The following SLIT2 variants were observed in gnomAD, a reference collection of about 807,000 sequenced individuals.
SLIT2 encodes the protein slit homolog 2 protein.
SLIT2 carries 41 observed loss-of-function variants against 185.7 expected under a neutral mutation model. The ratio of observed to expected loss-of-function variants is 0.22; its 90% CI spans 0.17 to 0.29. The LOEUF is 0.29. Ranked by LOEUF, SLIT2 falls within the 10% of genes least tolerant of loss-of-function variation. The pLI, the probability that SLIT2 is intolerant of heterozygous loss-of-function variation, is 1.00. For missense variants in SLIT2, 1,571 were observed against 1,909.0 expected, an observed-to-expected ratio of 0.82 and a Z score of 3.30; for synonymous variants, 693 against 680.2, an observed-to-expected ratio of 1.02 and a Z score of -0.29.
chr4:20,438,093 T>G (rs569087342), intron 4 of SLIT2, among the ~76,000 whole-genome samples: 1 of 152,222 alleles, frequency 6.6e-6, no homozygotes, highest in African/African-American at 2.4e-5. Context: ...CTCACCCCGT[T>G]TCTGGAATAC....
chr4:20,388,316 A>G (rs919155586), intron 4 of SLIT2, among the ~76,000 whole-genome samples: 6 of 152,330 alleles, frequency 3.9e-5, no homozygotes, highest in Middle Eastern at 3.4e-3. Flanking sequence ...AAAGACTTGT[A>G]TCCAGAATAT....
chr4:20,536,274 G>A (rs551696641), intron 18 of SLIT2, among the ~76,000 whole-genome samples: 4 of 152,034 alleles, frequency 2.6e-5, no homozygotes, highest in Non-Finnish European at 5.9e-5. Flanking sequence ...CACTGTACAC[G>A]GCCTGGCACG....
At chr4:20,273,271 A>G (rs2109038260) in intron 4 of SLIT2, among the ~76,000 whole-genome samples, 1 of 152,186 alleles carries the variant, frequency 6.6e-6, no homozygotes, top group East Asian at 1.9e-4. Flanking sequence ...AAAATAGAAA[A>G]TAGGAAGTAA....
At chr4:20,381,136 G>C (rs534709562) in intron 4 of SLIT2, among the ~76,000 whole-genome samples, 1 of 151,892 alleles carries the variant, frequency 6.6e-6, no homozygotes, top group African/African-American at 2.4e-5. Flanking sequence ...GCCTGTAATC[G>C]TAGCTACTCG....
chr4:20,473,136 A>G (rs1232179380), intron 5 of SLIT2, among the ~76,000 whole-genome samples: 2 of 141,330 alleles, frequency 1.4e-5, no homozygotes, highest in Non-Finnish European at 3.1e-5. Context: ...TTAATTTTGC[A>G]ATACATCCAC....
intron 22 of SLIT2, 135 bp downstream of exon 22, chr4:20,546,234 C>A: frequency 5.8e-6 from 3 of 513,424 alleles, no homozygotes; most frequent in Non-Finnish European, 1.0e-5. Context: ...TTGCTCATTG[C>A]GGTTCTGGAC....
chr4:20,564,909 G>A (rs1025293381), intron 26 of SLIT2, among the ~76,000 whole-genome samples: 10 of 151,800 alleles, frequency 6.6e-5, no homozygotes, highest in African/African-American at 2.4e-4. Flanking sequence ...GGAATAAAAT[G>A]CAAAGAAATT....
At chr4:20,400,911 T>C (rs577719026) in intron 4 of SLIT2, among the ~76,000 whole-genome samples, 4 of 151,878 alleles carry the variant, frequency 2.6e-5, no homozygotes, top group Non-Finnish European at 5.9e-5. Context: ...CCATAAATTT[T>C]ATACAGATAT....
chr4:20,512,128 T>G (rs1719811809), intron 11 of SLIT2, among the ~76,000 whole-genome samples: 1 of 152,210 alleles, frequency 6.6e-6, no homozygotes, highest in Non-Finnish European at 1.5e-5. Flanking sequence ...CGGCACATTT[T>G]TATTTTTTAA....
At chr4:20,525,894 G>A (rs568186227) in intron 15 of SLIT2, among the ~76,000 whole-genome samples, 10 of 152,164 alleles carry the variant, frequency 6.6e-5, no homozygotes, top group Middle Eastern at 3.4e-3. Flanking sequence ...AAAAGTAATC[G>A]CAATGTTTTA....
intron 5 of SLIT2, among the ~76,000 whole-genome samples, chr4:20,472,608 ATC>A (rs1577728070): frequency 3.4e-5 from 4 of 116,598 alleles, no homozygotes; most frequent in East Asian, 5.1e-4. Flanking sequence ...CTATAGATAT[ATC>A]TATATATATC....
intron 9 of SLIT2, among the ~76,000 whole-genome samples, chr4:20,496,021 T>C (rs547903845): frequency 6.6e-6 from 1 of 152,294 alleles, no homozygotes; most frequent in East Asian, 1.9e-4. Flanking sequence ...AATTTTACCA[T>C]AAATTGTTGG....
At chr4:20,415,535 T>C (rs1248379496) in intron 4 of SLIT2, among the ~76,000 whole-genome samples, 1 of 152,040 alleles carries the variant, frequency 6.6e-6, no homozygotes, top group African/African-American at 2.4e-5. Flanking sequence ...ATAATTTTGA[T>C]CACTTAACTA....
At chr4:20,325,338 A>G (rs1182430507) in intron 4 of SLIT2, among the ~76,000 whole-genome samples, 1 of 136,644 alleles carries the variant, frequency 7.3e-6, no homozygotes, top group Non-Finnish European at 1.5e-5. Context: ...ACTCTGAGCC[A>G]CTCACCTGTG....
chr4:20,388,822 T>TAAA (rs1725151977), intron 4 of SLIT2, among the ~76,000 whole-genome samples: 1 of 144,536 alleles, frequency 6.9e-6, no homozygotes, highest in Non-Finnish European at 1.5e-5. Flanking sequence ...ATGTAAAATA[T>TAAA]ATATAATATA....
intron 29 of SLIT2, among the ~76,000 whole-genome samples, chr4:20,582,050 G>A (rs1726624960): frequency 6.6e-6 from 1 of 152,102 alleles, no homozygotes. Flanking sequence ...CCCAGCCAGA[G>A]TGCTCTTTTC....
intron 4 of SLIT2, among the ~76,000 whole-genome samples, chr4:20,436,949 A>G (rs181431241): frequency 8.0e-4 from 122 of 152,352 alleles, no homozygotes; most frequent in African/African-American, 2.9e-3. Context: ...TGGAAAATGC[A>G]AACTATTCAA....
intron 4 of SLIT2, among the ~76,000 whole-genome samples, chr4:20,272,650 G>T (rs1167736258): frequency 2.6e-5 from 4 of 152,008 alleles, no homozygotes; most frequent in African/African-American, 4.8e-5. Flanking sequence ...GTGGTTTTCG[G>T]TTTATTTCTT....
At chr4:20,539,668 A>G in intron 19 of SLIT2, 84 bp downstream of exon 19, 1 of 887,442 alleles carries the variant, frequency 1.1e-6, no homozygotes, top group Non-Finnish European at 1.6e-6. Context: ...TAAGCATTTC[A>G]TTAAAATGTG....
Sources: gnomAD v4.1 joint callset for allele counts (sites outside exome capture counted in the v4.1 genomes callset) on GRCh38, gnomAD v4.1.1 for gene constraint, MANE v1.5 for transcripts, NCBI Gene and HGNC (gene_info 2026-07-23, HGNC 2026-07-21) for gene names.